The following RAB6B variants were observed in gnomAD, a reference collection of about 807,000 sequenced individuals.
The protein encoded by RAB6B is ras-related protein Rab-6B.
Under a neutral mutation model 31.2 loss-of-function variants are expected in RAB6B, and 7 were observed. That is an observed-to-expected ratio of 0.22 (90% CI 0.13 to 0.42). The LOEUF (loss-of-function observed/expected upper bound fraction) is 0.42. Among genes scored for constraint, RAB6B ranks in the 10% least tolerant of loss-of-function variants. The pLI is 1.00. For synonymous variants in RAB6B, 105 were observed against 104.9 expected, an observed-to-expected ratio of 1.00 and a Z score of -0.01; for missense variants, 149 against 280.6, an observed-to-expected ratio of 0.53 and a Z score of 3.35.
chr3:133,841,785 G>A (rs1935837091), intron 2 of RAB6B, 122 bp from the exon 3 acceptor site: 5 of 901,470 alleles, frequency 5.5e-6, no homozygotes, highest in Middle Eastern at 2.2e-4. Context: ...GTCTAATGTG[G>A]CCATGCTCTG....
At chr3:133,866,791 G>A (rs1473542555) in intron 1 of RAB6B, among the ~76,000 whole-genome samples, 2 of 148,264 alleles carry the variant, frequency 1.3e-5, no homozygotes, top group Non-Finnish European at 3.0e-5. Flanking sequence ...AGATGCATTG[G>A]GGAAAACACA....
In RAB6B at chr3:133,827,977, C is replaced by T; in HGVS notation, c.*811G>A. The T allele has an allele frequency of 2.8e-6, 2 of 702,962 alleles. No homozygotes were observed. The highest frequency in any genetic ancestry group is 5.2e-6 in the Non-Finnish European group (2 of 384,994). 43.5% of individuals were successfully genotyped at this position (702,962 alleles called of 1,614,324 possible). On this transcript the variant is annotated 3_prime_UTR_variant, in exon 8 of 8. Transcript: ENST00000285208. ...CCACGCACCACGCAGCTGCAATTGC[C>T]AACAGCACCTCGTCCTTCTGATGGC...
chr3:133,865,045 A>G (rs1269489651), intron 1 of RAB6B, among the ~76,000 whole-genome samples: 1 of 152,218 alleles, frequency 6.6e-6, no homozygotes, highest in African/African-American at 2.4e-5. Context: ...TTGGTCATAC[A>G]CTGGAATGGA....
chr3:133,835,470 T>TTG (rs1304839362), intron 6 of RAB6B, among the ~76,000 whole-genome samples: 2 of 110,702 alleles, frequency 1.8e-5, no homozygotes, highest in African/African-American at 8.7e-5. Flanking sequence ...CATGTGGGTT[T>TTG]TCTGTGTGTG....
chr3:133,842,528 A>T (rs537809624), intron 2 of RAB6B, among the ~76,000 whole-genome samples: 2 of 152,382 alleles, frequency 1.3e-5, no homozygotes, highest in African/African-American at 4.8e-5. Context: ...AAATAAGCAT[A>T]GTGTGGTATA....
At chr3:133,848,605 C>T (rs1310100188) in intron 2 of RAB6B, among the ~76,000 whole-genome samples, 2 of 152,072 alleles carry the variant, frequency 1.3e-5, no homozygotes, top group Non-Finnish European at 2.9e-5. Context: ...TGTGTCATCC[C>T]ATGTCAGAAG....
intron 2 of RAB6B, among the ~76,000 whole-genome samples, chr3:133,851,868 C>T (rs192815110): frequency 1.3e-5 from 2 of 152,312 alleles, no homozygotes; most frequent in South Asian, 4.1e-4. Flanking sequence ...TGGGCTGACT[C>T]CTTTGGAGCA....
At chr3:133,850,150 A>G (rs541376736) in intron 2 of RAB6B, among the ~76,000 whole-genome samples, 38 of 152,320 alleles carry the variant, frequency 2.5e-4, no homozygotes, top group Admixed American at 6.5e-4. Context: ...TAAAACAGGC[A>G]AACAAAAAAA....
At chr3:133,854,635 TATACAAA>T (rs1936048610) in intron 2 of RAB6B, among the ~76,000 whole-genome samples, 2 of 152,262 alleles carry the variant, frequency 1.3e-5, no homozygotes. Context: ...CCCTTCATTT[TATACAAA>T]ATGTGAGGAA....
intron 2 of RAB6B, among the ~76,000 whole-genome samples, chr3:133,856,777 G>C (rs536289446): frequency 6.6e-6 from 1 of 152,222 alleles, no homozygotes; most frequent in African/African-American, 2.4e-5. Context: ...CTTCTGCCGG[G>C]TCAATGTTCA....
intron 1 of RAB6B, among the ~76,000 whole-genome samples, chr3:133,892,795 C>G (rs1325953391): frequency 6.6e-6 from 1 of 152,190 alleles, no homozygotes; most frequent in Non-Finnish European, 1.5e-5. Context: ...GAGGGCCAGC[C>G]CTCAGGTGGC....
At chr3:133,851,338 A>C (rs1224809996) in intron 2 of RAB6B, among the ~76,000 whole-genome samples, 2 of 152,360 alleles carry the variant, frequency 1.3e-5, no homozygotes, top group South Asian at 2.1e-4. Flanking sequence ...TTTCTTCAGA[A>C]AAACAAAAAT....
At chr3:133,895,259 C>CA in intron 1 of RAB6B, 138 bp downstream of exon 1, 2 of 892,832 alleles carry the variant, frequency 2.2e-6, no homozygotes, top group Non-Finnish European at 3.4e-6. Context: ...CCGCCCCGAC[C>CA]TCCCCATCCC....
chr3:133,893,050 T>C (rs1274121093), intron 1 of RAB6B, among the ~76,000 whole-genome samples: 2 of 151,972 alleles, frequency 1.3e-5, no homozygotes, highest in Admixed American at 6.6e-5. Context: ...GGCACCAGGG[T>C]GGCCAGCAGC....
At chr3:133,852,472 T>C (rs374590401) in intron 2 of RAB6B, among the ~76,000 whole-genome samples, 86 of 44,724 alleles carry the variant, frequency 1.9e-3, no homozygotes, top group African/African-American at 4.3e-3. Flanking sequence ...TTTTTTTCTT[T>C]TTCTTTTTTT....
intron 2 of RAB6B, among the ~76,000 whole-genome samples, chr3:133,845,736 A>C (rs1329500848): frequency 1.3e-5 from 2 of 152,244 alleles, no homozygotes; most frequent in Non-Finnish European, 2.9e-5. Flanking sequence ...GGTCCACTGT[A>C]CAATAAAAAA....
chr3:133,894,914 C>T (rs1936685905), intron 1 of RAB6B, among the ~76,000 whole-genome samples: 1 of 152,232 alleles, frequency 6.6e-6, no homozygotes, highest in Non-Finnish European at 1.5e-5. Context: ...GCAGGGTCCG[C>T]AGGGAACACC....
At chr3:133,874,875 A>G (rs1384093074) in intron 1 of RAB6B, among the ~76,000 whole-genome samples, 2 of 151,912 alleles carry the variant, frequency 1.3e-5, no homozygotes, top group Non-Finnish European at 2.9e-5. Flanking sequence ...CTAGGCCTAC[A>G]TGGGGTCAGG....
At chr3:133,863,589 T>C (rs1390581623) in intron 2 of RAB6B, among the ~76,000 whole-genome samples, 2 of 152,192 alleles carry the variant, frequency 1.3e-5, no homozygotes, top group Non-Finnish European at 2.9e-5. Flanking sequence ...AACTATACAC[T>C]GATATAGTCA....
Sources: gnomAD v4.1 joint callset for allele counts (sites outside exome capture counted in the v4.1 genomes callset) on GRCh38, gnomAD v4.1.1 for gene constraint, MANE v1.5 for transcripts, NCBI Gene and HGNC (gene_info 2026-07-23, HGNC 2026-07-21) for gene names.